CEP15: variants seen among roughly 807,000 people sequenced by gnomAD.
CEP15 encodes centrosomal protein 15.
chr3:62,333,416 CT>C, the CEP15 span: 1 of 1,601,926 alleles, frequency 6.2e-7, no homozygotes, highest in Admixed American at 1.7e-5. This position sits in a 1 kb window ranked among gnomAD's most constrained non-coding sequence, Gnocchi z 4.0. Flanking sequence ...TTCAAAAAGC[CT>C]GTTTAATAAA....
chr3:62,323,286 G>A, the CEP15 span, among the ~76,000 whole-genome samples: 1 of 152,138 alleles, frequency 6.6e-6, no homozygotes, highest in Admixed American at 6.5e-5. Flanking sequence ...CAGGACTACA[G>A]AAATAAGAGT....
chr3:62,325,923 C>T, the CEP15 span, among the ~76,000 whole-genome samples: 1 of 151,188 alleles, frequency 6.6e-6, no homozygotes, highest in Non-Finnish European at 1.5e-5. Context: ...ACTCTGGAAG[C>T]TGAGGCAGGA....
the CEP15 span, among the ~76,000 whole-genome samples, chr3:62,329,528 G>C: frequency 1.6e-4 from 24 of 152,314 alleles, no homozygotes; most frequent in South Asian, 3.5e-3. Context: ...TCAGAGGTGA[G>C]CATGTCATCT....
chr3:62,320,046 C>T, the CEP15 span, among the ~76,000 whole-genome samples: 1 of 152,198 alleles, frequency 6.6e-6, no homozygotes, highest in Non-Finnish European at 1.5e-5. Flanking sequence ...CCAGTTGGTT[C>T]TCATACTTGT....
chr3:62,331,263 G>A, the CEP15 span: 4 of 1,423,852 alleles, frequency 2.8e-6, no homozygotes, highest in Admixed American at 6.8e-5. Context: ...GATATTGCTA[G>A]TACAGGTGCC....
At chr3:62,322,983 A>G in the CEP15 span, among the ~76,000 whole-genome samples, 1 of 152,210 alleles carries the variant, frequency 6.6e-6, no homozygotes, top group Non-Finnish European at 1.5e-5. This position sits in a 1 kb window ranked among gnomAD's most constrained non-coding sequence, Gnocchi z 5.5. Flanking sequence ...GGTGTTAGCA[A>G]TATTTATTTT....
the CEP15 span, chr3:62,334,235 TAAAAA>T: frequency 7.3e-6 from 1 of 137,132 alleles, no homozygotes; most frequent in Non-Finnish European, 1.6e-5. The surrounding 1 kb of genome is among the most constrained non-coding windows in gnomAD (Gnocchi z 4.9). Context: ...CTTGAGCACT[TAAAAA>T]AAAAAAAGAA....
At chr3:62,335,412 C>CA in the CEP15 span, 1 of 151,172 alleles carries the variant, frequency 6.6e-6, no homozygotes, top group Non-Finnish European at 1.5e-5. Flanking sequence ...CTCCCCTCCC[C>CA]ACCCCCACCT....
chr3:62,327,192 C>T, the CEP15 span, among the ~76,000 whole-genome samples: 2 of 152,096 alleles, frequency 1.3e-5, no homozygotes, highest in African/African-American at 2.4e-5. Context: ...CTGTATTCTC[C>T]GTAATTCCTA....
the CEP15 span, among the ~76,000 whole-genome samples, chr3:62,325,765 G>A: frequency 6.6e-6 from 1 of 152,158 alleles, no homozygotes; most frequent in Non-Finnish European, 1.5e-5. Flanking sequence ...CAGGTGCGGT[G>A]GCTCACGCCT....
the CEP15 span, among the ~76,000 whole-genome samples, chr3:62,325,812 T>A: frequency 3.3e-4 from 50 of 152,180 alleles, no homozygotes; most frequent in Non-Finnish European, 6.5e-4. Context: ...GGCGGGCAGA[T>A]CAAGAGATCA....
At chr3:62,326,972 C>G in the CEP15 span, among the ~76,000 whole-genome samples, 1 of 152,214 alleles carries the variant, frequency 6.6e-6, no homozygotes, top group Non-Finnish European at 1.5e-5. Flanking sequence ...GTTCACATTT[C>G]TCTGATAAAT....
At chr3:62,324,727 G>A in the CEP15 span, among the ~76,000 whole-genome samples, 1 of 152,028 alleles carries the variant, frequency 6.6e-6, no homozygotes, top group Non-Finnish European at 1.5e-5. Flanking sequence ...TCTAGGACAG[G>A]TACTTCAGAA....
At chr3:62,321,747 C>G in the CEP15 span, among the ~76,000 whole-genome samples, 53 of 152,206 alleles carry the variant, frequency 3.5e-4, no homozygotes, top group African/African-American at 1.2e-3. The surrounding 1 kb of genome is among the most constrained non-coding windows in gnomAD (Gnocchi z 4.1). Flanking sequence ...ACCAGATTGA[C>G]TTAAGACTTA....
the CEP15 span, chr3:62,320,515 A>G: frequency 2.5e-6 from 4 of 1,610,806 alleles, no homozygotes; most frequent in East Asian, 4.5e-5. Flanking sequence ...TCTAAAAGAC[A>G]TGAAGAAATG....
the CEP15 span, among the ~76,000 whole-genome samples, chr3:62,325,531 G>A: frequency 6.6e-6 from 1 of 152,178 alleles, no homozygotes; most frequent in Non-Finnish European, 1.5e-5. Flanking sequence ...TATCATAAAA[G>A]ATAGTGAACT....
chr3:62,322,137 A>T, the CEP15 span: 1 of 1,399,892 alleles, frequency 7.1e-7, no homozygotes, highest in South Asian at 1.3e-5. The surrounding 1 kb of genome is among the most constrained non-coding windows in gnomAD (Gnocchi z 5.5). Context: ...TGATTTATAT[A>T]ACTTATTGGT....
At chr3:62,321,819 G>A in the CEP15 span, 1 of 763,680 alleles carries the variant, frequency 1.3e-6, no homozygotes, top group Non-Finnish European at 2.1e-6. The surrounding 1 kb of genome is among the most constrained non-coding windows in gnomAD (Gnocchi z 4.1). Flanking sequence ...TTTCAGAATA[G>A]GTTAGAGTTG....
At chr3:62,335,759 GT>G in the CEP15 span, 2 of 151,892 alleles carry the variant, frequency 1.3e-5, no homozygotes, top group South Asian at 4.1e-4. Flanking sequence ...GAAAAATGGA[GT>G]TTTCAAAATG....
Sources: gnomAD v4.1 joint callset for allele counts (sites outside exome capture counted in the v4.1 genomes callset) on GRCh38, gnomAD v4.1.1 for gene constraint, Gnocchi (gnomAD v3.1) non-coding constraint, MANE v1.5 for transcripts, NCBI Gene and HGNC (gene_info 2026-07-23, HGNC 2026-07-21) for gene names.